Variants in RNF157 observed in about 807,000 individuals in gnomAD.
RNF157 encodes E3 ubiquitin ligase RNF157.
RNF157 carries 55 observed loss-of-function variants against 88.3 expected under a neutral mutation model. That is an observed-to-expected ratio of 0.62 (90% confidence interval 0.50 to 0.78). RNF157 has a LOEUF of 0.78. Among genes scored for constraint, RNF157 ranks in the 30% least tolerant of loss-of-function variants. RNF157 has a pLI of 0.00. For missense variants in RNF157, 788 were observed against 860.8 expected (o/e 0.92, Z 1.06); for synonymous variants, 334 against 341.2 (o/e 0.98, Z 0.23).
chr17:76,239,374 T>G (rs1197680247), intron 1 of RNF157, among the ~76,000 whole-genome samples: 5 of 152,132 alleles, frequency 3.3e-5, no homozygotes, highest in Admixed American at 3.3e-4. Context: ...AGTGAAGGGA[T>G]GATTCTAATA....
At chr17:76,158,344 G>A in intron 13 of RNF157, 49 bp downstream of exon 13, 1 of 1,255,950 alleles carries the variant, frequency 8.0e-7, no homozygotes, top group African/African-American at 1.5e-5. Flanking sequence ...AGGTAGGAGG[G>A]AAGTCCCTGG....
At chr17:76,148,736 A>G (rs2068627110) in intron 18 of RNF157, among the ~76,000 whole-genome samples, 1 of 151,572 alleles carries the variant, frequency 6.6e-6, no homozygotes. Context: ...AAGCCTGGCT[A>G]ATTTTTGTAT....
Position 76,226,083 on chromosome 17 carries a change from G to A in RNF157, c.89-13601C>T, listed in dbSNP as rs1235990500. On this transcript the variant is annotated intron_variant, in intron 1 of 18. Coordinates refer to ENST00000269391, the MANE Select transcript of RNF157 (RefSeq NM_052916.3). ...CCTGGAGATGGGAGGCTCCTATTTG[G>A]AGAGCCCCTGGTAGAGGGGCTATGC... The A allele has an allele frequency of 1.2e-5, 20 of 1,601,880 alleles. No homozygotes were observed. The Admixed American group carries it at 3.1e-4, about 25-fold the overall frequency.
intron 2 of RNF157, among the ~76,000 whole-genome samples, chr17:76,204,995 G>T (rs889906044): frequency 2.6e-5 from 4 of 151,788 alleles, no homozygotes; most frequent in Non-Finnish European, 5.9e-5. Flanking sequence ...ATGTTGGCCA[G>T]GCTGGTCTTG....
Position 76,188,056 on chromosome 17 carries a change from C to T in RNF157, c.208-14266G>A, listed in dbSNP as rs75786326. On this transcript the variant is annotated intron_variant, in intron 2 of 18. Transcript: ENST00000269391. ...GCTCTGATTATTCTTCAGTCACCCC[C>T]CAATAGCAGTGGGCAGCCAAGATTC... 1.0e-2 allele frequency among the ~76,000 whole-genome samples: 1,520 copies of T among 152,282 alleles called. 16 individuals are homozygous for T. The highest frequency in any genetic ancestry group is 0.03 in the African/African-American group (1,267 of 41,556).
rs2069105328 is a variant in RNF157 at position 76,176,555 on chromosome 17, G to A, written c.208-2765C>T. ...CATTTATTGAGTGCTTACTATTGAT[G>A]ACAGTGGTGGGCTGTCCAGAGCAGC... On this transcript the variant is annotated intron_variant, in intron 2 of 18. Coordinates refer to ENST00000269391, the MANE Select transcript of RNF157 (RefSeq NM_052916.3). This position sits in a 1 kb window ranked among gnomAD's most constrained non-coding sequence, Gnocchi z 4.2. Among the ~76,000 whole-genome samples, 1 of 152,154 alleles carries A rather than the reference G, an allele frequency of 6.6e-6. No homozygotes were observed. Among genetic ancestry groups the A allele is most frequent in the Non-Finnish European group, 1.5e-5 (1 of 68,024 alleles).
chr17:76,230,096 G>A (rs1165231954), intron 1 of RNF157, among the ~76,000 whole-genome samples: 1 of 152,158 alleles, frequency 6.6e-6, no homozygotes, highest in African/African-American at 2.4e-5. Context: ...AGAATGGACT[G>A]ATGTCTCATC....
rs113946393 is a variant in RNF157, at chr17:76,234,215, T to C, written c.88+5938A>G. On this transcript the variant is annotated intron_variant, in intron 1 of 18. Coordinates refer to ENST00000269391, the MANE Select transcript of RNF157 (RefSeq NM_052916.3). ...GGTTGTAGCACATATCAAATCTTCA[T>C]TCCTTTTTATTGCCAAATAATATTC... Among the ~76,000 whole-genome samples, 962 of 152,348 alleles carry C rather than the reference T, an allele frequency of 6.3e-3. 7 individuals are homozygous for C. The highest frequency in any genetic ancestry group is 0.021 in the African/African-American group (890 of 41,580).
chr17:76,211,156 A>C (rs2069792603), intron 2 of RNF157, among the ~76,000 whole-genome samples: 1 of 152,230 alleles, frequency 6.6e-6, no homozygotes, highest in Admixed American at 6.5e-5. Context: ...AGGGAAGAAC[A>C]AACCATGCTC....
At chr17:76,170,970 G>A (rs1444895516) in intron 3 of RNF157, among the ~76,000 whole-genome samples, 1 of 152,096 alleles carries the variant, frequency 6.6e-6, no homozygotes, top group Non-Finnish European at 1.5e-5. Flanking sequence ...TCGCCTCACT[G>A]CAACCTCTGT....
rs1452228035 is a variant in RNF157, at chr17:76,146,907, C to A, written c.1922-1554G>T. On this transcript the variant is annotated intron_variant, in intron 18 of 18. Coordinates refer to ENST00000269391, the MANE Select transcript of RNF157 (RefSeq NM_052916.3). This position sits in a 1 kb window ranked among gnomAD's most constrained non-coding sequence, Gnocchi z 4.2. ...CCTCAGGCCAGCCCAGGACATGAAA[C>A]CCTTTAATGGCATGTAGAGTCAACA... 1 of 985,314 alleles carries A rather than the reference C, an allele frequency of 1.0e-6. No individual in the cohort carries two copies. Among genetic ancestry groups the A allele is most frequent in the Non-Finnish European group, 1.2e-6 (1 of 829,938 alleles). 61.0% of individuals were successfully genotyped at this position (985,314 alleles called of 1,614,324 possible).
intron 3 of RNF157, among the ~76,000 whole-genome samples, chr17:76,168,417 G>T (rs1274183778): frequency 1.3e-5 from 2 of 149,858 alleles, no homozygotes; most frequent in African/African-American, 5.0e-5. Context: ...CTTTTTCTTA[G>T]TGCTCATCCT....
chr17:76,151,155 T>C (rs1405284906), intron 18 of RNF157, among the ~76,000 whole-genome samples: 2 of 152,232 alleles, frequency 1.3e-5, no homozygotes, highest in Non-Finnish European at 1.5e-5. Flanking sequence ...GAAGGGGGTC[T>C]TCCCTGGGCC....
chr17:76,166,159 G>C (rs1323598252), intron 6 of RNF157, among the ~76,000 whole-genome samples: 1 of 152,158 alleles, frequency 6.6e-6, no homozygotes, highest in Admixed American at 6.5e-5. Flanking sequence ...ATTTTTAGTA[G>C]AGACAGGGTT....
chr17:76,212,557 ATTTT>A, intron 1 of RNF157, 75 bp from the exon 2 acceptor site: 7 of 998,370 alleles, frequency 7.0e-6, no homozygotes, highest in Non-Finnish European at 1.1e-5. Flanking sequence ...AAAAAAGCTG[ATTTT>A]TAAAATGTTA....
At chr17:76,164,686 AG>A in intron 8 of RNF157, 61 bp downstream of exon 8, 1 of 973,330 alleles carries the variant, frequency 1.0e-6, no homozygotes. Flanking sequence ...AGAAGAAGAA[AG>A]GAAAGAATAA....
intron 1 of RNF157, among the ~76,000 whole-genome samples, chr17:76,218,035 G>A (rs1216324453): frequency 6.6e-6 from 1 of 152,164 alleles, no homozygotes; most frequent in East Asian, 1.9e-4. Context: ...ACTAATGAAT[G>A]CTTAAAAATG....
chr17:76,191,239 G>A (rs2069379690), intron 2 of RNF157, among the ~76,000 whole-genome samples: 1 of 152,110 alleles, frequency 6.6e-6, no homozygotes, highest in African/African-American at 2.4e-5. Flanking sequence ...ACTTTGGGAA[G>A]CTGAGGCAGG....
chr17:76,209,983 C>G (rs1226828332), intron 2 of RNF157, among the ~76,000 whole-genome samples: 2 of 152,128 alleles, frequency 1.3e-5, no homozygotes, highest in Non-Finnish European at 2.9e-5. Flanking sequence ...TGGTCTCGAT[C>G]TCTTGACCTT....
Sources: gnomAD v4.1 joint callset for allele counts (sites outside exome capture counted in the v4.1 genomes callset) on GRCh38, gnomAD v4.1.1 for gene constraint, Gnocchi (gnomAD v3.1) non-coding constraint, MANE v1.5 for transcripts, NCBI Gene and HGNC (gene_info 2026-07-23, HGNC 2026-07-21) for gene names.